Variants in LRRTM3 observed in about 807,000 individuals in gnomAD.
LRRTM3 encodes leucine rich repeat transmembrane neuronal 3.
LRRTM3 carries 24 observed loss-of-function variants against 44.7 expected under a neutral mutation model. The ratio of observed to expected loss-of-function variants is 0.54; its 90% CI spans 0.39 to 0.76. LRRTM3 has a LOEUF of 0.76. LRRTM3 is among the 30% of genes least tolerant of loss of function. LRRTM3 has a pLI of 0.00. For synonymous variants in LRRTM3, 277 were observed against 278.7 expected (o/e 0.99, Z 0.06); for missense variants, 587 against 702.2 (o/e 0.84, Z 1.85).
rs3056552 is a variant in LRRTM3 at position 66,931,192 on chromosome 10, T to TAAAAAAA, written c.1536+2753_1536+2759dup. On this transcript the variant is annotated intron_variant, in intron 2 of 2. Transcript: ENST00000361320. ...GACTTCCCTCAAAGGTGACAACAGTTAAAAAAAAAAAAAAAAAAAGCCTGA... is the reference window on the plus strand; with the variant it reads ...GACTTCCCTCAAAGGTGACAACAGTTAAAAAAAAAAAAAAAAAAAAAAAAAAGCCTGA... 2.5e-5 allele frequency among the ~76,000 whole-genome samples: 3 copies of TAAAAAAA among 118,702 alleles called. 1 individual carries two copies. The highest frequency in any genetic ancestry group is 9.6e-5 in the African/African-American group (3 of 31,124). 77.9% of individuals were successfully genotyped at this position (118,702 alleles called of 152,430 possible).
chr10:67,021,133 G>C (rs1031571089), intron 2 of LRRTM3, among the ~76,000 whole-genome samples: 1 of 152,104 alleles, frequency 6.6e-6, no homozygotes, highest in African/African-American at 2.4e-5. Flanking sequence ...TGACGGAAGA[G>C]GAAGGCCAGT....
rs1329328510 is a variant in LRRTM3 at position 66,927,399 on chromosome 10, T to A, written c.483T>A (p.Ser161Arg). ...TTCGGGGCTTGCGGAAGCTGCTGAG[T>A]TTACATTTACGGTCTAACTCCCTGA... The part of the protein sequence containing the change: ...EQFRGLRKLL[S>R]LHLRSNSLRT... Residue 161 changes from serine (S) to arginine (R), a missense_variant, in exon 2 of 3, where the codon AGT (serine) becomes AGA (arginine). By Grantham distance (110) the Ser-to-Arg change is moderately radical. Coordinates refer to ENST00000361320, the MANE Select transcript of LRRTM3 (RefSeq NM_178011.5). This position sits in a 1 kb window ranked among gnomAD's most constrained non-coding sequence, Gnocchi z 4.7. 3 of 1,614,080 alleles carry A rather than the reference T, an allele frequency of 1.9e-6. No homozygotes were observed. The highest frequency in any genetic ancestry group is 1.7e-6 in the Non-Finnish European group (2 of 1,180,018).
At chr10:66,937,438 T>C (rs1847768895) in intron 2 of LRRTM3, among the ~76,000 whole-genome samples, 1 of 152,170 alleles carries the variant, frequency 6.6e-6, no homozygotes, top group Non-Finnish European at 1.5e-5. Context: ...ACATAATACT[T>C]TCTCCTTCCC....
intron 2 of LRRTM3, among the ~76,000 whole-genome samples, chr10:67,047,049 G>A (rs974957888): frequency 2.0e-5 from 3 of 152,196 alleles, no homozygotes; most frequent in Admixed American, 1.3e-4. Context: ...AGCACTGCCT[G>A]TATCTGATTC....
rs1219469661 is a variant in LRRTM3 at position 66,971,271 on chromosome 10, C to CA, written c.1536+42824dup. On this transcript the variant is annotated intron_variant, in intron 2 of 2. Coordinates refer to ENST00000361320, the MANE Select transcript of LRRTM3 (RefSeq NM_178011.5). The stretch of plus-strand genomic sequence containing the variant: ...TGAAACCCCGTCTCTACTAAAAATA[C>CA]AAAAATTAGCTGGGCATGGTTGTGT... Among the ~76,000 whole-genome samples, 3 of 151,964 alleles carry CA rather than the reference C, an allele frequency of 2.0e-5. 1 individual carries two copies. The highest frequency in any genetic ancestry group is 7.3e-5 in the African/African-American group (3 of 41,352).
intron 2 of LRRTM3, among the ~76,000 whole-genome samples, chr10:66,994,466 C>A (rs1851217721): frequency 6.6e-6 from 1 of 152,134 alleles, no homozygotes; most frequent in Non-Finnish European, 1.5e-5. Flanking sequence ...CCCTCAATTA[C>A]CAAATATCTG....
chr10:66,972,250 G>A (rs543004264), intron 2 of LRRTM3, among the ~76,000 whole-genome samples: 4 of 152,016 alleles, frequency 2.6e-5, no homozygotes, highest in Non-Finnish European at 4.4e-5. Flanking sequence ...TTCATTATTC[G>A]GCTTCAGAGT....
At chr10:67,000,135 C>A (rs1851593831) in intron 2 of LRRTM3, among the ~76,000 whole-genome samples, 1 of 152,162 alleles carries the variant, frequency 6.6e-6, no homozygotes, top group Non-Finnish European at 1.5e-5. Context: ...AATATAGGGC[C>A]TTCCAGATGA....
intron 2 of LRRTM3, chr10:67,052,469 A>G (rs1855172291): frequency 6.6e-6 from 1 of 152,174 alleles, no homozygotes; most frequent in Non-Finnish European, 1.5e-5. Context: ...TTCTAATCCA[A>G]ATAATATTTC....
At chr10:67,031,205 A>T (rs574531181) in intron 2 of LRRTM3, among the ~76,000 whole-genome samples, 2 of 152,306 alleles carry the variant, frequency 1.3e-5, no homozygotes, top group Non-Finnish European at 2.9e-5. Context: ...AAATTGATAT[A>T]TATGTCTATA....
At chr10:67,044,787 G>GA (rs1442619515) in intron 2 of LRRTM3, among the ~76,000 whole-genome samples, 1 of 152,166 alleles carries the variant, frequency 6.6e-6, no homozygotes, top group East Asian at 1.9e-4. Context: ...TAGCACAGTG[G>GA]AAAGATCATG....
At chr10:67,057,587 G>A (rs916290941) in intron 2 of LRRTM3, among the ~76,000 whole-genome samples, 5 of 152,090 alleles carry the variant, frequency 3.3e-5, no homozygotes, top group African/African-American at 9.7e-5. Context: ...TGTCTCAAAT[G>A]ACAGGATATA....
intron 2 of LRRTM3, among the ~76,000 whole-genome samples, chr10:66,953,403 T>C (rs2132730671): frequency 6.6e-6 from 1 of 152,322 alleles, no homozygotes; most frequent in African/African-American, 2.4e-5. Context: ...AATACATGAA[T>C]CAAGGAGGTT....
rs1328879588 is a variant in LRRTM3, at chr10:66,926,471, C to A, written c.-113C>A. Reference sequence around the variant, plus strand: ...TCTCCCAAGGGGTCCAATTTTTCTTCCTGGGTGTCAGCGAGCCCTGACTCA... The same window carrying A: ...TCTCCCAAGGGGTCCAATTTTTCTTACTGGGTGTCAGCGAGCCCTGACTCA... On this transcript the variant is annotated 5_prime_UTR_variant, in exon 1 of 3. Coordinates refer to ENST00000361320, the MANE Select transcript of LRRTM3 (RefSeq NM_178011.5). The A allele has an allele frequency of 1.6e-6, 2 of 1,249,946 alleles. No homozygotes were observed. Among genetic ancestry groups the A allele is most frequent in the Non-Finnish European group, 2.3e-6 (2 of 873,010 alleles). 77.4% of individuals were successfully genotyped at this position (1,249,946 alleles called of 1,614,324 possible). A position where few individuals can be genotyped will look rare whatever the true frequency, so the allele number is the denominator to read the frequency against.
At position 66,926,947 on chromosome 10, in the gene LRRTM3, G is replaced by A. The variant is rs1847116512; in HGVS notation, c.31G>A (p.Gly11Arg). 3.1e-6 allele frequency: 5 copies of A among 1,600,508 alleles called. No homozygotes were observed. The highest frequency in any genetic ancestry group is 1.1e-5 in the South Asian group (1 of 88,802). Reference sequence around the variant, plus strand: ...TTTCAATGTAATTAGGCTACTGAGCGGATCAGCTGTAGCACTGGTTATAGC... The same window carrying A: ...TTTCAATGTAATTAGGCTACTGAGCAGATCAGCTGTAGCACTGGTTATAGC... MGFNVIRLLSGSAVALVIAPT... is the reference protein window; with the variant it reads MGFNVIRLLSRSAVALVIAPT... The change falls in exon 2 of 3, where the codon GGA becomes AGA. Residue 11 changes from glycine (G) to arginine (R), a missense_variant. Physicochemically the swap from Gly to Arg is moderately radical, Grantham distance 125. Around this residue, in one of 3 missense-constraint regions of LRRTM3, gnomAD observed 50 missense variants for 43.4 expected, o/e 1.15. Coordinates refer to ENST00000361320, the MANE Select transcript of LRRTM3 (RefSeq NM_178011.5).
At chr10:67,092,822 A>G (rs545059696) in intron 2 of LRRTM3, among the ~76,000 whole-genome samples, 6 of 152,152 alleles carry the variant, frequency 3.9e-5, no homozygotes, top group Non-Finnish European at 7.4e-5. Context: ...AATTACTGCT[A>G]GGGCAAATAT....
intron 2 of LRRTM3, among the ~76,000 whole-genome samples, chr10:66,977,970 A>T (rs1449229242): frequency 1.3e-5 from 2 of 152,120 alleles, no homozygotes; most frequent in Non-Finnish European, 2.9e-5. Flanking sequence ...TCAAACTTTT[A>T]TTCCTAAGTG....
In LRRTM3 at chr10:67,100,584, C is replaced by A. The variant is rs1858281681; in HGVS notation, c.*2788C>A. Among the ~76,000 whole-genome samples the A allele has an allele frequency of 1.3e-5, 2 of 151,608 alleles. No homozygotes were observed. The highest frequency in any genetic ancestry group is 4.8e-5 in the African/African-American group (2 of 41,338). The stretch of plus-strand genomic sequence containing the variant: ...CTCCTTCTAACCCCCATTCCTATGT[C>A]TCCCTTCCTGTCTATTCCTCACCGA... On this transcript the variant is annotated 3_prime_UTR_variant, in exon 3 of 3. Transcript: ENST00000361320.
chr10:66,988,887 T>C (rs1408703160), intron 2 of LRRTM3, among the ~76,000 whole-genome samples: 2 of 151,996 alleles, frequency 1.3e-5, no homozygotes. Context: ...CACACTTAAA[T>C]ACACCGGGTT....
Sources: allele counts gnomAD v4.1 joint callset (sites outside exome capture counted in the v4.1 genomes callset), GRCh38; gene constraint gnomAD v4.1.1; regional missense constraint gnomAD v4.1.1; non-coding constraint Gnocchi (gnomAD v3.1); transcripts MANE v1.5; gene names NCBI Gene and HGNC (gene_info 2026-07-23, HGNC 2026-07-21).